The following RIOK2 variants were observed in gnomAD, a reference collection of about 807,000 sequenced individuals.
RIOK2 encodes RIO kinase 2.
In RIOK2, 46 loss-of-function variants were observed where a neutral mutation model predicts 62.4. That is an observed-to-expected ratio of 0.74 (90% CI 0.58 to 0.94). The LOEUF (loss-of-function observed/expected upper bound fraction) is 0.94, where lower values mean the gene tolerates loss of function less well. Among genes scored for constraint, RIOK2 ranks in the 40% least tolerant of loss-of-function variants. RIOK2 has a pLI of 0.00. For synonymous variants in RIOK2, 197 were observed against 216.0 expected (o/e 0.91, Z 0.77); for missense variants, 574 against 658.0 (o/e 0.87, Z 1.40).
intron 8 of RIOK2, 125 bp downstream of exon 8, chr5:97,167,342 T>C: frequency 1.4e-6 from 2 of 1,477,974 alleles, no homozygotes; most frequent in Non-Finnish European, 1.8e-6. Flanking sequence ...TGGCTTTCAT[T>C]TTATACATCA....
intron 1 of RIOK2, among the ~76,000 whole-genome samples, chr5:97,180,891 T>A (rs1264919805): frequency 1.3e-5 from 2 of 152,014 alleles, no homozygotes; most frequent in Admixed American, 6.6e-5. Context: ...TTTATTATTT[T>A]TTTTTTTTAT....
Position 97,176,965 on chromosome 5 carries a change from AAC to A in RIOK2, c.498+149_498+150del, listed in dbSNP as rs1749178939. 7.5e-6 allele frequency: 5 copies of A among 663,978 alleles called. 1 individual carries two copies. The South Asian group carries it at 9.6e-5, about 13-fold the overall frequency. The allele number at this position is 663,978 out of a possible 1,614,324, so 41.1% of individuals were successfully genotyped here. ...ATCACTTAAAAGAGCCCAAATAATC[AAC>A]AGAGTTATTTAAGATTGAGTCTGTC... On this transcript the variant is annotated intron_variant, in intron 4 of 9. Transcript: ENST00000283109.
rs773161009 is a variant in RIOK2, at chr5:97,177,720, A to AT, written c.322+11dup. 1.4e-6 allele frequency: 2 copies of AT among 1,466,706 alleles called. No homozygotes were observed. Among genetic ancestry groups the AT allele is most frequent in the East Asian group, 2.3e-5 (1 of 44,100 alleles). 90.9% of individuals were successfully genotyped at this position (1,466,706 alleles called of 1,614,324 possible). On this transcript the variant is annotated intron_variant, in intron 3 of 9. Coordinates refer to ENST00000283109, the MANE Select transcript of RIOK2 (RefSeq NM_018343.3). Reference sequence around the variant, plus strand: ...CAAAGAAAATACTTTGCACAGTACTATTAGCACTTACCTGATTCTTTGCCA... The same window carrying AT: ...CAAAGAAAATACTTTGCACAGTACTATTTAGCACTTACCTGATTCTTTGCCA...
intron 1 of RIOK2, among the ~76,000 whole-genome samples, chr5:97,179,978 A>AATATATATATATAAAATATATATATAT (rs1561521949): frequency 0.012 from 273 of 22,092 alleles, 3 homozygotes; most frequent in Non-Finnish European, 0.019. Context: ...TATATATATA[A>AATATATATATATAAAATATATATATAT]TATATATATA....
rs1748742605 is a variant in RIOK2 at position 97,162,994 on chromosome 5, G to A, written c.*67C>T. ...TAGCCTTGGCTCAAAAAAGACAAAT[G>A]AGGGCTCAAAAAGGAATTACAGTAA... On this transcript the variant is annotated 3_prime_UTR_variant, in exon 10 of 10. Transcript: ENST00000283109. 1 of 1,325,750 alleles carries A rather than the reference G, an allele frequency of 7.5e-7. No individual in the cohort carries two copies. Among genetic ancestry groups the A allele is most frequent in the Non-Finnish European group, 1.0e-6 (1 of 970,580 alleles). The allele number at this position is 1,325,750 out of a possible 1,614,324, so 82.1% of individuals were successfully genotyped here. A position where few individuals can be genotyped will look rare whatever the true frequency, so the allele number is the denominator to read the frequency against.
chr5:97,177,010 A>C (rs907189428), intron 4 of RIOK2, 106 bp downstream of exon 4: 7 of 927,068 alleles, frequency 7.6e-6, no homozygotes, highest in Non-Finnish European at 1.2e-5. Flanking sequence ...ATTGAGTCTA[A>C]GGTTAGAGAG....
Position 97,161,992 on chromosome 5 carries a change from G to A in RIOK2, c.*1069C>T, listed in dbSNP as rs988977489. 1.2e-4 allele frequency: 18 copies of A among 152,158 alleles called. No homozygotes were observed. The highest frequency in any genetic ancestry group is 4.1e-4 in the African/African-American group (17 of 41,444). The allele number at this position is 152,158 out of a possible 1,614,324, so 9.4% of individuals were successfully genotyped here. On this transcript the variant is annotated 3_prime_UTR_variant, in exon 10 of 10. Transcript: ENST00000283109. ...AAGCCAATTTATTAGATAATTACAG[G>A]TCTTGCAAATAGCTAGTAGAGTTAA...
intron 1 of RIOK2, among the ~76,000 whole-genome samples, chr5:97,180,627 A>G (rs1307551717): frequency 6.6e-6 from 1 of 152,188 alleles, no homozygotes; most frequent in Non-Finnish European, 1.5e-5. Context: ...GGGTTATTTT[A>G]AGGACATTAA....
chr5:97,180,130 A>ATATATATATATGTATACATATATATATG (rs1749347434), intron 1 of RIOK2, among the ~76,000 whole-genome samples: 2 of 29,254 alleles, frequency 6.8e-5, no homozygotes, highest in African/African-American at 7.8e-5. Flanking sequence ...GTATATGTAT[A>ATATATATATATGTATACATATATATATG]TATATATATA....
intron 4 of RIOK2, among the ~76,000 whole-genome samples, chr5:97,175,406 A>G (rs1651328129): frequency 6.6e-6 from 1 of 152,198 alleles, no homozygotes; most frequent in Non-Finnish European, 1.5e-5. Context: ...CTATAGCCCA[A>G]TCTTTATCTT....
At chr5:97,182,953 A>T (rs1310753850) in intron 1 of RIOK2, 173 bp downstream of exon 1, 1 of 766,274 alleles carries the variant, frequency 1.3e-6, no homozygotes, top group Non-Finnish European at 2.4e-6. Flanking sequence ...GTAAGCTCCC[A>T]AACAAAACCT....
At chr5:97,180,160 A>ATATATATATATATG (rs1749364604) in intron 1 of RIOK2, among the ~76,000 whole-genome samples, 1 of 118,810 alleles carries the variant, frequency 8.4e-6, no homozygotes, top group African/African-American at 3.0e-5. Context: ...ATATATATAT[A>ATATATATATATATG]TGTGCTTTTT....
chr5:97,177,648 G>T, intron 3 of RIOK2, 84 bp downstream of exon 3: 2 of 858,096 alleles, frequency 2.3e-6, no homozygotes, highest in Non-Finnish European at 3.6e-6. Flanking sequence ...AGAAAAAAGG[G>T]AAAATTAAAA....
In RIOK2 at chr5:97,162,533, A is replaced by T. The variant is rs1328413735; in HGVS notation, c.*528T>A. On this transcript the variant is annotated 3_prime_UTR_variant, in exon 10 of 10. Transcript: ENST00000283109. ...TACCAATGTAAGTGGCACAAAACAG[A>T]TTATTAATCAATTAATTAAGCAAAT... The T allele has an allele frequency of 6.5e-6, 1 of 152,718 alleles. No homozygotes were observed. The highest frequency in any genetic ancestry group is 1.5e-5 in the Non-Finnish European group (1 of 68,512). The allele number at this position is 152,718 out of a possible 1,614,324, so 9.5% of individuals were successfully genotyped here. A position where few individuals can be genotyped will look rare whatever the true frequency, so the allele number is the denominator to read the frequency against.
At chr5:97,173,129 A>ATCAGG (rs753290363) in intron 5 of RIOK2, 46 bp downstream of exon 5, 1 of 1,365,890 alleles carries the variant, frequency 7.3e-7, no homozygotes, top group Non-Finnish European at 1.0e-6. Flanking sequence ...CTGAAACTTA[A>ATCAGG]ATTCATTTAT....
chr5:97,166,903 T>G (rs139387663), intron 8 of RIOK2: 65 of 975,770 alleles, frequency 6.7e-5, no homozygotes, highest in Middle Eastern at 1.1e-3. Context: ...AATTTTAAAA[T>G]CATCAGTTTG....
intron 6 of RIOK2, among the ~76,000 whole-genome samples, 153 bp downstream of exon 6, chr5:97,171,053 C>T (rs1748989879): frequency 6.6e-6 from 1 of 151,886 alleles, no homozygotes; most frequent in East Asian, 1.9e-4. Context: ...CCCAGCTCCT[C>T]GGGAGGCTGA....
chr5:97,176,040 A>C (rs1749154302), intron 4 of RIOK2: 1 of 152,236 alleles, frequency 6.6e-6, no homozygotes, highest in Admixed American at 6.5e-5. Flanking sequence ...AGCACACCTG[A>C]AGTGCAATGA....
intron 9 of RIOK2, among the ~76,000 whole-genome samples, chr5:97,164,784 T>C (rs1200206600): frequency 6.6e-6 from 1 of 152,180 alleles, no homozygotes; most frequent in African/African-American, 2.4e-5. Flanking sequence ...ATCAGGACAA[T>C]TGAAAAAGAA....
Sources: gnomAD v4.1 joint callset for allele counts (sites outside exome capture counted in the v4.1 genomes callset) on GRCh38, gnomAD v4.1.1 for gene constraint, MANE v1.5 for transcripts, NCBI Gene and HGNC (gene_info 2026-07-23, HGNC 2026-07-21) for gene names.